RERE: variants seen among roughly 807,000 people sequenced by gnomAD.
RERE encodes the protein arginine-glutamic acid dipeptide repeats.
In RERE, 40 loss-of-function variants were observed where a neutral mutation model predicts 146.1. That is an observed-to-expected ratio of 0.27 (90% CI 0.21 to 0.36). The LOEUF (loss-of-function observed/expected upper bound fraction) is 0.36, where lower values mean the gene tolerates loss of function less well. Among genes scored for constraint, RERE ranks in the 10% least tolerant of loss-of-function variants. The probability of loss-of-function intolerance (pLI) is 1.00; values close to 1 mark genes in which losing one functional copy is unlikely to be tolerated. For missense variants in RERE, 1,933 were observed against 2,138.7 expected, an observed-to-expected ratio of 0.90 and a Z score of 1.90; for synonymous variants, 1,003 against 866.0, an observed-to-expected ratio of 1.16 and a Z score of -2.78.
chr1:8,763,250 C>T (rs755583979), intron 1 of RERE, among the ~76,000 whole-genome samples: 7 of 151,874 alleles, frequency 4.6e-5, no homozygotes, highest in South Asian at 2.1e-4. Flanking sequence ...AGAAATAAGA[C>T]GTCCTTAAAA....
chr1:8,675,726 AATACATACATAT>A (rs1324016527), intron 1 of RERE, among the ~76,000 whole-genome samples: 2 of 141,572 alleles, frequency 1.4e-5, no homozygotes, highest in Admixed American at 7.1e-5. Context: ...TCCGACTCAA[AATACATACATAT>A]ATACATACAT....
intron 1 of RERE, among the ~76,000 whole-genome samples, chr1:8,738,741 A>T (rs540484374): frequency 5.9e-5 from 9 of 152,158 alleles, no homozygotes; most frequent in Non-Finnish European, 1.2e-4. Context: ...ATAATAATAA[A>T]CTATAGTATC....
intron 12 of RERE, among the ~76,000 whole-genome samples, chr1:8,387,320 A>G (rs1233334563): frequency 6.6e-6 from 1 of 152,176 alleles, no homozygotes; most frequent in Non-Finnish European, 1.5e-5. Context: ...CAATCACCAA[A>G]CCCACGGACT....
chr1:8,595,861 T>C (rs1040488491), intron 4 of RERE, among the ~76,000 whole-genome samples: 4 of 152,144 alleles, frequency 2.6e-5, no homozygotes, highest in African/African-American at 4.8e-5. Flanking sequence ...TCCCACTAAC[T>C]CTGCAAATGA....
intron 12 of RERE, among the ~76,000 whole-genome samples, chr1:8,409,277 A>G (rs301789): frequency 0.27 from 40,798 of 152,142 alleles, 5,953 homozygotes; most frequent in Non-Finnish European, 0.32. Flanking sequence ...GCTATCTACC[A>G]TAACTTCTGC....
intron 11 of RERE, among the ~76,000 whole-genome samples, chr1:8,440,909 T>A (rs1357652511): frequency 1.4e-5 from 2 of 145,080 alleles, no homozygotes; most frequent in Non-Finnish European, 3.0e-5. Flanking sequence ...AAAAAAAAAA[T>A]AGAAAGTATG....
rs936221124 is a variant in RERE at position 8,358,448 on chromosome 1, G to A, written c.4087C>T (p.Pro1363Ser). The A allele has an allele frequency of 2.5e-6, 4 of 1,589,920 alleles. No individual in the cohort carries two copies. Among genetic ancestry groups the A allele is most frequent in the South Asian group, 2.2e-5 (2 of 89,736 alleles). ...AGGCCCGGGTGGAAAGAAGCAAAAGGGTGGGGCCCGGCGGTCGGGGGGATG... is the reference window on the plus strand; with the variant it reads ...AGGCCCGGGTGGAAAGAAGCAAAAGAGTGGGGCCCGGCGGTCGGGGGGATG... ...LTIPPTAGPH[P>S]FASFHPGLNP... Residue 1363 changes from proline (P) to serine (S), a missense_variant, in exon 20 of 23, where the codon CCT becomes TCT. By Grantham distance (74) the Pro-to-Ser change is moderately conservative (BLOSUM62 -1). Coordinates refer to ENST00000400908, the MANE Select transcript of RERE (RefSeq NM_001042681.2).
chr1:8,682,424 G>T (rs771879524), intron 1 of RERE, among the ~76,000 whole-genome samples: 2 of 152,070 alleles, frequency 1.3e-5, no homozygotes. Context: ...ATATTATGTG[G>T]CTTGTTTTAT....
At chr1:8,763,680 C>T (rs1189469530) in intron 1 of RERE, among the ~76,000 whole-genome samples, 1 of 152,040 alleles carries the variant, frequency 6.6e-6, no homozygotes, top group Non-Finnish European at 1.5e-5. Context: ...GTGGCTCATG[C>T]CTGTAATCCC....
intron 12 of RERE, among the ~76,000 whole-genome samples, chr1:8,416,055 C>T (rs1557620711): frequency 2.0e-5 from 3 of 152,244 alleles, no homozygotes; most frequent in East Asian, 1.9e-4. Flanking sequence ...AAGCAATGCC[C>T]GAAAACACTG....
chr1:8,604,955 T>C (rs569417817), intron 4 of RERE, among the ~76,000 whole-genome samples: 1 of 152,270 alleles, frequency 6.6e-6, no homozygotes, highest in East Asian at 1.9e-4. Context: ...TGAAGAAAAA[T>C]CTGAAGAAAA....
At chr1:8,405,894 C>CA (rs1389654154) in intron 12 of RERE, among the ~76,000 whole-genome samples, 1 of 152,144 alleles carries the variant, frequency 6.6e-6, no homozygotes, top group Non-Finnish European at 1.5e-5. Context: ...CTCAGCCTCC[C>CA]AAAGTGCTGG....
chr1:8,373,109 T>C (rs556379240), intron 12 of RERE, among the ~76,000 whole-genome samples: 2 of 152,336 alleles, frequency 1.3e-5, no homozygotes, highest in Admixed American at 6.5e-5. Flanking sequence ...GGCTGCTGAG[T>C]GCACATCCTT....
chr1:8,600,475 T>C (rs900814162), intron 4 of RERE, among the ~76,000 whole-genome samples: 12 of 152,206 alleles, frequency 7.9e-5, no homozygotes, highest in Admixed American at 7.9e-4. Context: ...AAAATCATAA[T>C]AATAGCTGTG....
At chr1:8,764,742 G>A (rs1569744100) in intron 1 of RERE, among the ~76,000 whole-genome samples, 1 of 152,164 alleles carries the variant, frequency 6.6e-6, no homozygotes, top group East Asian at 1.9e-4. Context: ...CAAAGGGCCA[G>A]TAAGCACAAG....
intron 1 of RERE, among the ~76,000 whole-genome samples, chr1:8,813,093 T>C (rs560557378): frequency 3.3e-5 from 5 of 152,136 alleles, no homozygotes; most frequent in Non-Finnish European, 7.4e-5. Context: ...ACAAATATGA[T>C]TCAACAATCA....
At chr1:8,411,967 C>T (rs758645698) in intron 12 of RERE, among the ~76,000 whole-genome samples, 4 of 152,130 alleles carry the variant, frequency 2.6e-5, no homozygotes, top group Non-Finnish European at 5.9e-5. Context: ...CAACTTAAGG[C>T]CACAAACCTC....
chr1:8,365,480 T>C (rs1258403345), intron 13 of RERE, among the ~76,000 whole-genome samples: 1 of 152,200 alleles, frequency 6.6e-6, no homozygotes, highest in Non-Finnish European at 1.5e-5. Context: ...ATCAAGTACA[T>C]CATCTGTCAA....
At chr1:8,403,301 T>G (rs957754917) in intron 12 of RERE, among the ~76,000 whole-genome samples, 3 of 152,196 alleles carry the variant, frequency 2.0e-5, no homozygotes, top group African/African-American at 7.2e-5. Flanking sequence ...TCATAAAACT[T>G]TTCACAGTAG....
Sources: allele counts gnomAD v4.1 joint callset (sites outside exome capture counted in the v4.1 genomes callset), GRCh38; gene constraint gnomAD v4.1.1; transcripts MANE v1.5; gene names NCBI Gene and HGNC (gene_info 2026-07-23, HGNC 2026-07-21).